CNTLN: variants seen among roughly 807,000 people sequenced by gnomAD.
CNTLN encodes centlein, centrosomal protein.
CNTLN carries 212 observed loss-of-function variants against 180.0 expected under a neutral mutation model. That is an observed-to-expected ratio of 1.18 (90% CI 1.05 to 1.32). The LOEUF (loss-of-function observed/expected upper bound fraction) is 1.32. Among genes scored for constraint, CNTLN ranks in the 40% most tolerant of loss-of-function variants. The pLI is 0.00. For missense variants in CNTLN, 2,095 were observed against 1,610.9 expected, an observed-to-expected ratio of 1.30 and a Z score of -5.14; for synonymous variants, 722 against 563.1, an observed-to-expected ratio of 1.28 and a Z score of -3.99.
intron 12 of CNTLN, among the ~76,000 whole-genome samples, chr9:17,360,779 A>T (rs988992479): frequency 7.2e-5 from 11 of 152,214 alleles, no homozygotes; most frequent in Admixed American, 1.3e-4. Context: ...GTCATAGAAG[A>T]TGCTTTGCAT....
intron 2 of CNTLN, among the ~76,000 whole-genome samples, chr9:17,223,367 C>G (rs1384997652): frequency 6.6e-6 from 1 of 151,922 alleles, no homozygotes; most frequent in Non-Finnish European, 1.5e-5. Context: ...TTTACTGATT[C>G]CAGACTTTTT....
intron 18 of CNTLN, chr9:17,447,092 G>T: frequency 5.0e-6 from 1 of 201,552 alleles, no homozygotes; most frequent in Non-Finnish European, 1.1e-5. Flanking sequence ...AAATTGCCTG[G>T]TGGGCAACTC....
At chr9:17,522,370 C>T in the CNTLN span, among the ~76,000 whole-genome samples, 259 of 152,274 alleles carry the variant, frequency 1.7e-3, 1 homozygote, top group African/African-American at 5.9e-3. Context: ...CAGCCGCTAA[C>T]TTGCCCAAGA....
At chr9:17,355,076 C>T (rs1287337142) in intron 12 of CNTLN, among the ~76,000 whole-genome samples, 1 of 152,082 alleles carries the variant, frequency 6.6e-6, no homozygotes, top group Non-Finnish European at 1.5e-5. Context: ...TCAGAAGGGA[C>T]AGACTCCAGA....
chr9:17,474,618 C>T (rs910354069), intron 23 of CNTLN, among the ~76,000 whole-genome samples: 13 of 152,116 alleles, frequency 8.5e-5, no homozygotes, highest in African/African-American at 2.9e-4. Context: ...CCTGTAATCC[C>T]AGCACTTTGG....
At chr9:17,525,042 C>G in the CNTLN span, among the ~76,000 whole-genome samples, 259 of 152,230 alleles carry the variant, frequency 1.7e-3, 1 homozygote, top group African/African-American at 5.9e-3. Context: ...TTTGAACATA[C>G]ACAATAACAT....
intron 7 of CNTLN, chr9:17,301,113 G>C (rs1389523425): frequency 1.0e-6 from 1 of 985,250 alleles, no homozygotes; most frequent in Non-Finnish European, 1.2e-6. Context: ...GTAATACTTT[G>C]CTGAGAAGAT....
At chr9:17,136,896 T>A (rs1437321809) in intron 1 of CNTLN, among the ~76,000 whole-genome samples, 4 of 152,196 alleles carry the variant, frequency 2.6e-5, no homozygotes, top group African/African-American at 9.7e-5. Flanking sequence ...GATAAAGGCC[T>A]TTGATACTCT....
intron 18 of CNTLN, among the ~76,000 whole-genome samples, chr9:17,426,090 CAG>C (rs1225862563): frequency 6.6e-6 from 1 of 152,098 alleles, no homozygotes; most frequent in Non-Finnish European, 1.5e-5. Flanking sequence ...AAATCAGGAA[CAG>C]AGATTGGATT....
chr9:17,475,668 C>G (rs1832295765), intron 23 of CNTLN, among the ~76,000 whole-genome samples: 1 of 151,902 alleles, frequency 6.6e-6, no homozygotes, highest in African/African-American at 2.4e-5. Flanking sequence ...GTCAGGAGAT[C>G]AAGACCATCC....
chr9:17,199,491 G>A (rs540017391), intron 2 of CNTLN, among the ~76,000 whole-genome samples: 8 of 152,072 alleles, frequency 5.3e-5, no homozygotes, highest in Admixed American at 6.5e-5. Flanking sequence ...GATTACAGGC[G>A]TAAGCCACCA....
intron 1 of CNTLN, among the ~76,000 whole-genome samples, chr9:17,136,982 G>C (rs370717409): frequency 3.4e-4 from 52 of 152,228 alleles, no homozygotes; most frequent in African/African-American, 1.2e-3. Context: ...ACATAGTTAG[G>C]CCTTTAGCTG....
intron 24 of CNTLN, among the ~76,000 whole-genome samples, chr9:17,484,899 C>G (rs1832821614): frequency 6.6e-6 from 1 of 152,028 alleles, no homozygotes. Flanking sequence ...TATTGGCTTT[C>G]ATAGCTAAAT....
intron 6 of CNTLN, among the ~76,000 whole-genome samples, chr9:17,292,216 C>G (rs1382017797): frequency 2.0e-5 from 3 of 152,108 alleles, no homozygotes; most frequent in Non-Finnish European, 2.9e-5. Flanking sequence ...CCCTTTCTCT[C>G]TGGCTGCTGT....
At chr9:17,348,019 C>A (rs142430456) in intron 12 of CNTLN, among the ~76,000 whole-genome samples, 1 of 151,900 alleles carries the variant, frequency 6.6e-6, no homozygotes, top group Non-Finnish European at 1.5e-5. Context: ...TTTGTAGAAA[C>A]GGGGTTTCAC....
At chr9:17,461,228 G>C (rs1200761290) in intron 19 of CNTLN, among the ~76,000 whole-genome samples, 2 of 151,172 alleles carry the variant, frequency 1.3e-5, no homozygotes, top group African/African-American at 4.8e-5. Context: ...GCATAATCAT[G>C]GGTGTCCGTA....
At chr9:17,409,882 T>C (rs575232381) in intron 16 of CNTLN, among the ~76,000 whole-genome samples, 1 of 152,192 alleles carries the variant, frequency 6.6e-6, no homozygotes, top group African/African-American at 2.4e-5. Context: ...TTTTGAAAAA[T>C]TGAAGTTCTA....
chr9:17,264,579 A>G (rs1486788876), intron 5 of CNTLN, among the ~76,000 whole-genome samples: 3 of 152,066 alleles, frequency 2.0e-5, no homozygotes, highest in Non-Finnish European at 2.9e-5. Context: ...AATTCTGTGA[A>G]GAAAGTCATT....
At chr9:17,272,342 T>A (rs542649304) in intron 5 of CNTLN, among the ~76,000 whole-genome samples, 1 of 152,238 alleles carries the variant, frequency 6.6e-6, no homozygotes, top group African/African-American at 2.4e-5. Context: ...CCTAAAGTGC[T>A]GGGATTACAG....
Sources: allele counts gnomAD v4.1 joint callset (sites outside exome capture counted in the v4.1 genomes callset), GRCh38; gene constraint gnomAD v4.1.1; transcripts MANE v1.5; gene names NCBI Gene and HGNC (gene_info 2026-07-23, HGNC 2026-07-21).